DOCK1: variants seen among roughly 807,000 people sequenced by gnomAD.
The protein encoded by DOCK1 is dedicator of cytokinesis 1, also known as dedicator of cytokinesis protein 1.
DOCK1 carries 138 observed loss-of-function variants against 262.7 expected under a neutral mutation model. The observed-to-expected ratio is 0.53, with a 90% confidence interval of 0.46 to 0.61. The LOEUF (loss-of-function observed/expected upper bound fraction) is 0.61, where lower values mean the gene tolerates loss of function less well. DOCK1 is among the 20% of genes least tolerant of loss of function. DOCK1 has a pLI of 0.00. For synonymous variants in DOCK1, 866 were observed against 867.4 expected, an observed-to-expected ratio of 1.00 and a Z score of 0.03; for missense variants, 1,908 against 2,370.7, an observed-to-expected ratio of 0.80 and a Z score of 4.05.
At position 126,920,678 on chromosome 10, in the gene DOCK1, C is replaced by G. The variant is rs143542526; in HGVS notation, c.46+15115C>G. Among the ~76,000 whole-genome samples, 120 of 152,284 alleles carry G rather than the reference C, an allele frequency of 7.9e-4. 1 individual carries two copies. The highest frequency in any genetic ancestry group is 2.7e-3 in the African/African-American group (111 of 41,564). On this transcript the variant is annotated intron_variant, in intron 1 of 51. Coordinates refer to ENST00000623213, the MANE Select transcript of DOCK1 (RefSeq NM_001290223.2). ...TCTGCAGAGATCTAGAAAATAAATA[C>G]TTTAGGTTTTGCAGGCCAAGAGGCA...
intron 29 of DOCK1, among the ~76,000 whole-genome samples, chr10:127,273,645 G>C (rs955138834): frequency 1.3e-5 from 2 of 152,030 alleles, no homozygotes; most frequent in Non-Finnish European, 2.9e-5. Flanking sequence ...ATTTTGGGAG[G>C]CTGAGGTGGC....
At position 127,194,031 on chromosome 10, in the gene DOCK1, C is replaced by T. The variant is rs145984844; in HGVS notation, c.2848-53977C>T. Among the ~76,000 whole-genome samples, 119 of 152,254 alleles carry T rather than the reference C, an allele frequency of 7.8e-4. 3 individuals carry two copies. In the East Asian group the frequency reaches 0.021, roughly 27 times the overall value. On this transcript the variant is annotated intron_variant, in intron 27 of 51. Transcript: ENST00000623213. Reference sequence around the variant, plus strand: ...TAATCACAATGATAAAATACAAAGTCGTGGCAACTGTAATAAGTTTAAAGA... The same window carrying T: ...TAATCACAATGATAAAATACAAAGTTGTGGCAACTGTAATAAGTTTAAAGA...
chr10:127,130,403 G>A (rs1211298465), intron 27 of DOCK1, among the ~76,000 whole-genome samples: 1 of 152,096 alleles, frequency 6.6e-6, no homozygotes, highest in African/African-American at 2.4e-5. Flanking sequence ...GGGTCTTTAT[G>A]CTAGGTGTGT....
intron 38 of DOCK1, among the ~76,000 whole-genome samples, chr10:127,391,440 C>T (rs1047780330): frequency 1.3e-5 from 2 of 152,310 alleles, no homozygotes; most frequent in East Asian, 3.9e-4. Flanking sequence ...TGGAGCAAGA[C>T]AGAGTTTTCC....
chr10:127,389,394 G>T (rs55976550), intron 38 of DOCK1, among the ~76,000 whole-genome samples: 2,120 of 152,316 alleles, frequency 0.014, 13 homozygotes, highest in Non-Finnish European at 0.017. Flanking sequence ...GAAGCTTGAA[G>T]TTGGGAGGGC....
chr10:127,201,892 T>C (rs2057477783), intron 27 of DOCK1, among the ~76,000 whole-genome samples: 1 of 152,190 alleles, frequency 6.6e-6, no homozygotes, highest in Non-Finnish European at 1.5e-5. Context: ...AGCCAACCTC[T>C]TCAGCACAGG....
chr10:127,420,180 C>T (rs1472700102), intron 46 of DOCK1, among the ~76,000 whole-genome samples: 1 of 152,204 alleles, frequency 6.6e-6, no homozygotes, highest in Non-Finnish European at 1.5e-5. Flanking sequence ...TCTCCGTGCA[C>T]CTCTGGCGGT....
At chr10:127,335,892 T>A (rs2063170160) in intron 29 of DOCK1, among the ~76,000 whole-genome samples, 1 of 152,084 alleles carries the variant, frequency 6.6e-6, no homozygotes, top group South Asian at 2.1e-4. Context: ...TTTTTTTGTA[T>A]TTTTTAGTAG....
Position 127,012,088 on chromosome 10 carries a change from C to T in DOCK1, c.1059-144C>T. On this transcript the variant is annotated intron_variant, in intron 11 of 51. Coordinates refer to ENST00000623213, the MANE Select transcript of DOCK1 (RefSeq NM_001290223.2). The surrounding 1 kb of genome is among the most constrained non-coding windows in gnomAD (Gnocchi z 4.0). ...CTTTTCCCTGTTTCTCTTGTCACCT[C>T]TCCCATCCTTTGTCGTGCGTTGACT... 1 of 619,866 alleles carries T rather than the reference C, an allele frequency of 1.6e-6. No homozygotes were observed. The allele number at this position is 619,866 out of a possible 1,614,324, so 38.4% of individuals were successfully genotyped here.
chr10:127,047,414 C>G (rs1318687701), intron 21 of DOCK1, among the ~76,000 whole-genome samples: 2 of 152,112 alleles, frequency 1.3e-5, no homozygotes, highest in Non-Finnish European at 2.9e-5. Context: ...ATCTACTGTG[C>G]CAGCATTTAT....
At chr10:127,184,738 T>C (rs1374375663) in intron 27 of DOCK1, among the ~76,000 whole-genome samples, 1 of 152,200 alleles carries the variant, frequency 6.6e-6, no homozygotes, top group Non-Finnish European at 1.5e-5. Context: ...GTCTCTACTT[T>C]GTGTCTTCAC....
intron 27 of DOCK1, among the ~76,000 whole-genome samples, chr10:127,200,818 T>G (rs1359255517): frequency 6.6e-6 from 1 of 152,212 alleles, no homozygotes; most frequent in African/African-American, 2.4e-5. Flanking sequence ...CCCTTAACCT[T>G]AAACATCTAG....
intron 27 of DOCK1, among the ~76,000 whole-genome samples, chr10:127,235,698 A>T (rs1466778598): frequency 6.6e-6 from 1 of 152,110 alleles, no homozygotes; most frequent in East Asian, 1.9e-4. Flanking sequence ...CTGTATATGA[A>T]GCTGCCAAAC....
chr10:127,111,163 G>A (rs948935785), intron 25 of DOCK1, among the ~76,000 whole-genome samples: 3 of 152,130 alleles, frequency 2.0e-5, no homozygotes, highest in Non-Finnish European at 2.9e-5. Flanking sequence ...TTAAGTTACG[G>A]GCTGGGTTTG....
intron 27 of DOCK1, among the ~76,000 whole-genome samples, chr10:127,220,413 T>C (rs542182168): frequency 2.0e-5 from 3 of 152,026 alleles, no homozygotes; most frequent in Non-Finnish European, 4.4e-5. Flanking sequence ...CACGTGGGGC[T>C]GCCACATTTA....
rs1307520351 is a variant in DOCK1 at position 127,377,775 on chromosome 10, C to T, written c.3676-2307C>T. 3.3e-5 allele frequency among the ~76,000 whole-genome samples: 5 copies of T among 151,596 alleles called. No individual in the cohort carries two copies. The South Asian group carries it at 6.3e-4, about 19-fold the overall frequency. On this transcript the variant is annotated intron_variant, in intron 35 of 51. Coordinates refer to ENST00000623213, the MANE Select transcript of DOCK1 (RefSeq NM_001290223.2). ...GGCATGGTGTTGGGTGCCTGTAATC[C>T]CAGGTACTCGGGAGGCTGAGGCAAC...
chr10:127,439,282 C>A, intron 49 of DOCK1, 57 bp downstream of exon 49: 1 of 1,540,370 alleles, frequency 6.5e-7, no homozygotes, highest in South Asian at 1.2e-5. Flanking sequence ...CCTACCTTTG[C>A]CCCACCTGTA....
intron 27 of DOCK1, among the ~76,000 whole-genome samples, chr10:127,192,117 T>C (rs2056798885): frequency 6.6e-6 from 1 of 152,226 alleles, no homozygotes; most frequent in Non-Finnish European, 1.5e-5. Flanking sequence ...TTCATATGAA[T>C]GTATGCTGTG....
chr10:126,938,700 C>T (rs2034722543), intron 1 of DOCK1, among the ~76,000 whole-genome samples: 1 of 152,110 alleles, frequency 6.6e-6, no homozygotes. Context: ...ATGACGGCTG[C>T]TCCCTGCTTC....
Sources: allele counts gnomAD v4.1 joint callset (sites outside exome capture counted in the v4.1 genomes callset), GRCh38; gene constraint gnomAD v4.1.1; non-coding constraint Gnocchi (gnomAD v3.1); transcripts MANE v1.5; gene names NCBI Gene and HGNC (gene_info 2026-07-23, HGNC 2026-07-21).